Variants in CHD1L observed in about 807,000 individuals in gnomAD.
The protein encoded by CHD1L is ATP-dependent chromatin remodeler CHD1L.
A neutral mutation model predicts 115.9 loss-of-function variants in CHD1L; 118 were observed. The ratio of observed to expected loss-of-function variants is 1.02; its 90% CI spans 0.88 to 1.19. The LOEUF is 1.19. Ranked by LOEUF, CHD1L falls within the 50% of genes most tolerant of loss-of-function variation. The pLI is 0.00. For missense variants in CHD1L, 1,179 were observed against 1,065.3 expected, an observed-to-expected ratio of 1.11 and a Z score of -1.49; for synonymous variants, 411 against 387.1, an observed-to-expected ratio of 1.06 and a Z score of -0.72.
At chr1:147,188,712 G>T in the CHD1L span, among the ~76,000 whole-genome samples, 20 of 148,116 alleles carry the variant, frequency 1.4e-4, 1 homozygote, top group East Asian at 2.4e-3. Context: ...ATGTACCCTA[G>T]AACTTAAATA....
chr1:147,201,145 C>T, the CHD1L span: 7 of 1,594,078 alleles, frequency 4.4e-6, no homozygotes, highest in Non-Finnish European at 6.0e-6. Context: ...TTTGCATGGT[C>T]ACTTACCTTT....
intron 5 of CHD1L, chr1:147,258,877 G>A (rs1418739156): frequency 1.3e-5 from 2 of 152,038 alleles, no homozygotes; most frequent in African/African-American, 4.8e-5. Flanking sequence ...AAAATAAAAA[G>A]TTAAACATCT....
chr1:147,205,439 T>C, the CHD1L span, among the ~76,000 whole-genome samples: 3 of 152,192 alleles, frequency 2.0e-5, no homozygotes, highest in Non-Finnish European at 4.4e-5. Flanking sequence ...GTAGTATATG[T>C]GTCAAAAACA....
the CHD1L span, chr1:147,186,634 T>A: frequency 8.1e-7 from 1 of 1,236,926 alleles, no homozygotes; most frequent in Non-Finnish European, 1.0e-6. Flanking sequence ...GCTAAAGACA[T>A]ACAAAGATGA....
chr1:147,174,047 C>T, the CHD1L span, among the ~76,000 whole-genome samples: 6 of 152,170 alleles, frequency 3.9e-5, no homozygotes, highest in Admixed American at 2.0e-4. Flanking sequence ...TTTGCTGAAA[C>T]GTTCATTTTT....
At chr1:147,274,967 C>T (rs1317881025) in intron 12 of CHD1L, among the ~76,000 whole-genome samples, 2 of 152,150 alleles carry the variant, frequency 1.3e-5, no homozygotes, top group East Asian at 1.9e-4. Flanking sequence ...CACTGCAGAC[C>T]TCTCATATTT....
Position 147,275,484 on chromosome 1 carries a change from C to T in CHD1L, c.1385+16C>T. 1 of 1,596,670 alleles carries T rather than the reference C, an allele frequency of 6.3e-7. No individual in the cohort carries two copies. Among genetic ancestry groups the T allele is most frequent in the South Asian group, 1.1e-5 (1 of 90,700 alleles). On this transcript the variant is annotated intron_variant, in intron 13 of 22. Coordinates refer to ENST00000369258, the MANE Select transcript of CHD1L (RefSeq NM_004284.6). ...GCCAAAACAAGTAAGTGATTTTTTT[C>T]TGCTTCCTTGGCTTGCCCAGCAGCA...
chr1:147,258,416 C>A (rs116172467), intron 5 of CHD1L, among the ~76,000 whole-genome samples: 1 of 152,154 alleles, frequency 6.6e-6, no homozygotes, highest in Non-Finnish European at 1.5e-5. Flanking sequence ...GGAATAGGAC[C>A]TAATCTGTTT....
the CHD1L span, among the ~76,000 whole-genome samples, chr1:147,231,089 T>C: frequency 1.3e-5 from 2 of 152,198 alleles, no homozygotes; most frequent in Non-Finnish European, 2.9e-5. Context: ...GTTCTTTTAA[T>C]TGTGACGTTA....
chr1:147,202,444 C>T, the CHD1L span, among the ~76,000 whole-genome samples: 3 of 150,816 alleles, frequency 2.0e-5, no homozygotes, highest in Admixed American at 6.6e-5. Context: ...CTCAGCCTCC[C>T]GAGTAGCTTG....
chr1:147,265,911 G>A lies in CHD1L; in HGVS notation c.740-21G>A, dbSNP rs751481282. ...GTTCTACTTTTGTCCCACACTTCTT[G>A]TATTTTTTTTTCTTATGTAGCAAGT... is the stretch of plus-strand genomic sequence containing the variant. On this transcript the variant is annotated intron_variant, in intron 7 of 22. Coordinates refer to ENST00000369258, the MANE Select transcript of CHD1L (RefSeq NM_004284.6). The A allele has an allele frequency of 4.4e-6, 7 of 1,594,272 alleles. No individual in the cohort carries two copies. In the African/African-American group the frequency reaches 5.4e-5, roughly 12 times the overall value.
chr1:147,246,588 T>C (rs1666693162), intron 1 of CHD1L, among the ~76,000 whole-genome samples: 1 of 152,254 alleles, frequency 6.6e-6, no homozygotes, highest in Admixed American at 6.5e-5. Context: ...CTTTTTTATA[T>C]TGACTATTCT....
chr1:147,175,532 G>A, the CHD1L span: 1 of 152,060 alleles, frequency 6.6e-6, no homozygotes, highest in Admixed American at 6.5e-5. Context: ...AGAGATGATG[G>A]TTTTAAAAGT....
At chr1:147,178,659 C>G in the CHD1L span, 11 of 1,574,242 alleles carry the variant, frequency 7.0e-6, no homozygotes, top group Admixed American at 1.7e-5. Context: ...GGGATAACTA[C>G]CGATTTGCAC....
the CHD1L span, chr1:147,225,032 T>G: frequency 6.7e-7 from 1 of 1,482,836 alleles, no homozygotes; most frequent in Non-Finnish European, 9.0e-7. Context: ...TTAGTCATGG[T>G]CTCCCGAGAT....
rs782526630 is a variant in CHD1L at position 147,272,303 on chromosome 1, G to A, written c.1270+22G>A. 1.0e-5 allele frequency: 15 copies of A among 1,500,714 alleles called. No individual in the cohort carries two copies. In the Middle Eastern group the frequency reaches 1.5e-3, roughly 153 times the overall value. The allele number at this position is 1,500,714 out of a possible 1,614,324, so 93.0% of individuals were successfully genotyped here. On this transcript the variant is annotated intron_variant, in intron 12 of 22. Coordinates refer to ENST00000369258, the MANE Select transcript of CHD1L (RefSeq NM_004284.6). ...GCAGGTAGGCTGCAAAGGCATTGATGGAAACAGACAAATGAGGGATAATAG... is the reference window on the plus strand; with the variant it reads ...GCAGGTAGGCTGCAAAGGCATTGATAGAAACAGACAAATGAGGGATAATAG...
At chr1:147,254,570 C>G (rs587700314) in intron 2 of CHD1L, among the ~76,000 whole-genome samples, 14 of 152,266 alleles carry the variant, frequency 9.2e-5, no homozygotes, top group African/African-American at 3.1e-4. Context: ...TCATTGATTT[C>G]TATTGTCTTT....
At chr1:147,208,934 G>A in the CHD1L span, 1 of 1,613,962 alleles carries the variant, frequency 6.2e-7, no homozygotes, top group Non-Finnish European at 8.5e-7. Flanking sequence ...GCTAATGATT[G>A]GCCACAGATC....
At chr1:147,198,036 G>T in the CHD1L span, among the ~76,000 whole-genome samples, 1 of 152,150 alleles carries the variant, frequency 6.6e-6, no homozygotes, top group South Asian at 2.1e-4. Context: ...GCCTAAAGCA[G>T]GTTGTATCTG....
Sources: gnomAD v4.1 joint callset for allele counts (sites outside exome capture counted in the v4.1 genomes callset) on GRCh38, gnomAD v4.1.1 for gene constraint, MANE v1.5 for transcripts, NCBI Gene and HGNC (gene_info 2026-07-23, HGNC 2026-07-21) for gene names.